GRID2: variants seen among roughly 807,000 people sequenced by gnomAD.
GRID2 encodes the protein glutamate receptor ionotropic, delta-2.
Under a neutral mutation model 114.8 loss-of-function variants are expected in GRID2, and 33 were observed. The ratio of observed to expected loss-of-function variants is 0.29; its 90% CI spans 0.22 to 0.38. GRID2 has a LOEUF of 0.38. Ranked by LOEUF, GRID2 falls within the 10% of genes least tolerant of loss-of-function variation. GRID2 has a pLI of 1.00. For synonymous variants in GRID2, 505 were observed against 449.9 expected, an observed-to-expected ratio of 1.12 and a Z score of -1.55; for missense variants, 1,184 against 1,257.7, an observed-to-expected ratio of 0.94 and a Z score of 0.89.
chr4:93,072,893 A>G (rs1195844555), intron 2 of GRID2, among the ~76,000 whole-genome samples: 1 of 152,204 alleles, frequency 6.6e-6, no homozygotes, highest in Admixed American at 6.5e-5. Context: ...CAGTCTAAAG[A>G]AATATAAACA....
chr4:93,435,681 T>C (rs1399583987), intron 10 of GRID2, among the ~76,000 whole-genome samples: 1 of 152,218 alleles, frequency 6.6e-6, no homozygotes, highest in Non-Finnish European at 1.5e-5. Flanking sequence ...TATGTAGATT[T>C]AAGACATCAA....
intron 1 of GRID2, among the ~76,000 whole-genome samples, chr4:92,446,825 C>T (rs964637536): frequency 1.3e-5 from 2 of 152,228 alleles, no homozygotes; most frequent in Non-Finnish European, 2.9e-5. Flanking sequence ...AGAATATCTG[C>T]TCTGCATGAA....
chr4:92,328,841 C>T (rs1374311204), intron 1 of GRID2, among the ~76,000 whole-genome samples: 2 of 151,996 alleles, frequency 1.3e-5, no homozygotes, highest in Non-Finnish European at 2.9e-5. Context: ...TTAGTTAATA[C>T]CTACTGGGAA....
At chr4:93,313,443 C>T (rs150804810) in intron 8 of GRID2, among the ~76,000 whole-genome samples, 45 of 152,314 alleles carry the variant, frequency 3.0e-4, no homozygotes, top group African/African-American at 1.0e-3. Flanking sequence ...CTTTTCTATA[C>T]ATCCACAAGG....
intron 2 of GRID2, among the ~76,000 whole-genome samples, chr4:92,752,473 A>T (rs1044778197): frequency 6.6e-6 from 1 of 152,212 alleles, no homozygotes; most frequent in African/African-American, 2.4e-5. Context: ...ATAAGAGTGT[A>T]CAAAAGTCAA....
At chr4:92,934,243 C>G (rs1308737602) in intron 2 of GRID2, among the ~76,000 whole-genome samples, 1 of 151,654 alleles carries the variant, frequency 6.6e-6, no homozygotes, top group East Asian at 1.9e-4. Flanking sequence ...TGAAGAGATC[C>G]TTCACGTCCC....
chr4:92,662,112 C>T lies in GRID2; in HGVS notation c.244+71826C>T, dbSNP rs143826529. Among the ~76,000 whole-genome samples the T allele has an allele frequency of 2.7e-3, 408 of 151,144 alleles. 1 individual carries two copies. Among genetic ancestry groups the T allele is most frequent in the Non-Finnish European group, 4.4e-3 (294 of 67,284 alleles). ...TGAAGCCCTAAGCCCTTCTCATCCT[C>T]ACACAGGTTTCCTTTCTGTGTATGA... On this transcript the variant is annotated intron_variant, in intron 2 of 15. Coordinates refer to ENST00000282020, the MANE Select transcript of GRID2 (RefSeq NM_001510.4).
intron 4 of GRID2, among the ~76,000 whole-genome samples, chr4:93,156,363 T>C (rs1737186750): frequency 6.6e-6 from 1 of 151,820 alleles, no homozygotes; most frequent in East Asian, 1.9e-4. Context: ...TATATGATCT[T>C]GCTTTTTAGA....
intron 11 of GRID2, among the ~76,000 whole-genome samples, chr4:93,475,058 C>T (rs2149439744): frequency 6.6e-6 from 1 of 152,210 alleles, no homozygotes; most frequent in South Asian, 2.1e-4. Flanking sequence ...CTCTTTGTTA[C>T]ATCCATGGTT....
chr4:92,497,796 C>A (rs1420437007), intron 1 of GRID2, among the ~76,000 whole-genome samples: 3 of 151,890 alleles, frequency 2.0e-5, no homozygotes, highest in East Asian at 1.9e-4. Flanking sequence ...TTGCAAGAAC[C>A]TTTTCCTTTA....
At chr4:93,732,365 A>G (rs1255220631) in intron 14 of GRID2, among the ~76,000 whole-genome samples, 2 of 152,210 alleles carry the variant, frequency 1.3e-5, no homozygotes, top group African/African-American at 4.8e-5. Context: ...AGATTTTTGC[A>G]TTTGAAAGAA....
chr4:93,141,802 G>T (rs1735792116), intron 4 of GRID2, among the ~76,000 whole-genome samples: 1 of 152,094 alleles, frequency 6.6e-6, no homozygotes, highest in South Asian at 2.1e-4. Flanking sequence ...GGATTTAACA[G>T]GTTTTTTTGT....
intron 1 of GRID2, among the ~76,000 whole-genome samples, chr4:93,794,192 G>C (rs1578798606): frequency 6.6e-6 from 1 of 152,252 alleles, no homozygotes; most frequent in Middle Eastern, 3.4e-3. Flanking sequence ...TAAATGATAG[G>C]TTCCTTTTAG....
chr4:93,318,188 T>C (rs540228942), intron 8 of GRID2, among the ~76,000 whole-genome samples: 12 of 151,468 alleles, frequency 7.9e-5, no homozygotes, highest in Admixed American at 6.6e-4. Context: ...ATGTGTGAAT[T>C]TTTTTAGTAA....
Position 93,422,817 on chromosome 4 carries a change from A to C in GRID2, c.1394A>C (p.Lys465Thr). The C allele has an allele frequency of 6.2e-7, 1 of 1,613,800 alleles. No individual in the cohort carries two copies. Among genetic ancestry groups the C allele is most frequent in the Non-Finnish European group, 8.5e-7 (1 of 1,179,712 alleles). The change falls in exon 10 of 16, where the codon AAG becomes ACG. Residue 465 changes from lysine (K) to threonine (T), a missense_variant. Lys to Thr is a moderately conservative substitution (Grantham distance 78). Coordinates refer to ENST00000282020, the MANE Select transcript of GRID2 (RefSeq NM_001510.4). ...MVSENVLGKP[K>T]KYQGFSIDVL... ...TCTGAAAATGTCTTGGGTAAGCCGA[A>C]GAAATACCAGGGCTTCTCCATTGAT...
At chr4:92,836,131 G>C (rs1489868250) in intron 2 of GRID2, among the ~76,000 whole-genome samples, 1 of 151,960 alleles carries the variant, frequency 6.6e-6, no homozygotes, top group African/African-American at 2.4e-5. Context: ...ATCATCTATA[G>C]CTGTTTTCTC....
At chr4:92,410,884 A>G (rs1321847233) in intron 1 of GRID2, among the ~76,000 whole-genome samples, 2 of 136,584 alleles carry the variant, frequency 1.5e-5, no homozygotes, top group Non-Finnish European at 3.0e-5. Context: ...AGTCACTCTC[A>G]GTGGAATAAG....
chr4:93,371,436 A>G (rs568866610), intron 8 of GRID2, among the ~76,000 whole-genome samples: 7 of 151,894 alleles, frequency 4.6e-5, no homozygotes, highest in Non-Finnish European at 1.0e-4. Flanking sequence ...TAGATACTGT[A>G]CTCATATTTA....
At chr4:92,764,268 G>GAA (rs532909880) in intron 2 of GRID2, among the ~76,000 whole-genome samples, 1 of 150,968 alleles carries the variant, frequency 6.6e-6, no homozygotes, top group Non-Finnish European at 1.5e-5. Flanking sequence ...TGGTCAAAAA[G>GAA]AAAAAAAAAG....
Sources: gnomAD v4.1 joint callset for allele counts (sites outside exome capture counted in the v4.1 genomes callset) on GRCh38, gnomAD v4.1.1 for gene constraint, MANE v1.5 for transcripts, NCBI Gene and HGNC (gene_info 2026-07-23, HGNC 2026-07-21) for gene names.